KCNIP4: variants seen among roughly 807,000 people sequenced by gnomAD.
The protein encoded by KCNIP4 is potassium voltage-gated channel interacting protein 4.
KCNIP4 carries 12 observed loss-of-function variants against 34.0 expected under a neutral mutation model. The ratio of observed to expected loss-of-function variants is 0.35; its 90% CI spans 0.23 to 0.57. KCNIP4 has a LOEUF of 0.57. Ranked by LOEUF, KCNIP4 falls within the 20% of genes least tolerant of loss-of-function variation. KCNIP4 has a pLI of 0.83. For synonymous variants in KCNIP4, 124 were observed against 102.2 expected (o/e 1.21, Z -1.29); for missense variants, 238 against 311.7 (o/e 0.76, Z 1.78).
intron 1 of KCNIP4, chr4:21,608,981 C>T (rs1743938742): frequency 6.6e-6 from 1 of 152,162 alleles, no homozygotes; most frequent in Non-Finnish European, 1.5e-5. Context: ...AATGTTGCCT[C>T]ATCACTGACC....
At chr4:21,498,373 T>C (rs570502358) in intron 1 of KCNIP4, among the ~76,000 whole-genome samples, 1 of 152,236 alleles carries the variant, frequency 6.6e-6, no homozygotes, top group Non-Finnish European at 1.5e-5. Context: ...GTACACTCTT[T>C]CTGCTAGTGT....
At chr4:21,939,177 G>A (rs1730055090) in intron 1 of KCNIP4, among the ~76,000 whole-genome samples, 1 of 152,112 alleles carries the variant, frequency 6.6e-6, no homozygotes, top group Admixed American at 6.6e-5. Context: ...CCATTGTAGT[G>A]GTGGTGGACT....
chr4:21,742,115 G>T (rs528766130), intron 1 of KCNIP4, among the ~76,000 whole-genome samples: 1 of 151,966 alleles, frequency 6.6e-6, no homozygotes, highest in African/African-American at 2.4e-5. Flanking sequence ...AAAAACTCAA[G>T]TACCAAATTG....
intron 1 of KCNIP4, among the ~76,000 whole-genome samples, chr4:21,832,829 G>A (rs1723078741): frequency 6.7e-6 from 1 of 148,384 alleles, no homozygotes; most frequent in Non-Finnish European, 1.5e-5. Flanking sequence ...CTATGAGTGA[G>A]AATATGCGGT....
chr4:21,662,302 A>C (rs941536670), intron 1 of KCNIP4, among the ~76,000 whole-genome samples: 7 of 152,188 alleles, frequency 4.6e-5, no homozygotes, highest in Non-Finnish European at 1.0e-4. Context: ...CATTTCTACC[A>C]GATGTATTTT....
chr4:21,838,096 C>T (rs533197394), intron 1 of KCNIP4, among the ~76,000 whole-genome samples: 3 of 152,086 alleles, frequency 2.0e-5, no homozygotes, highest in Non-Finnish European at 4.4e-5. Context: ...ATTCACATTG[C>T]TTACACAAAA....
chr4:21,037,290 CT>C (rs1444805281), intron 1 of KCNIP4, among the ~76,000 whole-genome samples: 2 of 152,284 alleles, frequency 1.3e-5, no homozygotes, highest in Middle Eastern at 3.4e-3. Context: ...TGGGCCTAAA[CT>C]TTCACTCACC....
intron 2 of KCNIP4, among the ~76,000 whole-genome samples, chr4:20,873,702 C>T (rs1224392626): frequency 1.3e-5 from 2 of 152,152 alleles, no homozygotes; most frequent in Non-Finnish European, 2.9e-5. Context: ...ACCAGCCATC[C>T]CCAAGTGCCA....
chr4:21,520,714 GT>G lies in KCNIP4; in HGVS notation c.61+427856del, dbSNP rs141649193. 6.0e-3 allele frequency among the ~76,000 whole-genome samples: 906 copies of G among 152,182 alleles called. 13 individuals are homozygous for G. The highest frequency in any genetic ancestry group is 0.021 in the African/African-American group (867 of 41,504). ...TCTCCTTTTACCTTTAACTTGGATAGTTTATTTTTAAATGAAAAATGCTGCC... is the reference window on the plus strand; with the variant it reads ...TCTCCTTTTACCTTTAACTTGGATAGTTATTTTTAAATGAAAAATGCTGCC... On this transcript the variant is annotated intron_variant, in intron 1 of 8. Coordinates refer to ENST00000382152, the MANE Select transcript of KCNIP4 (RefSeq NM_025221.6).
intron 1 of KCNIP4, among the ~76,000 whole-genome samples, chr4:21,576,059 T>A (rs1276163981): frequency 6.6e-6 from 1 of 152,092 alleles, no homozygotes; most frequent in East Asian, 1.9e-4. Flanking sequence ...CAACTGAAAA[T>A]TTTTTTAGTT....
At chr4:21,775,474 G>A (rs1719113152) in intron 1 of KCNIP4, among the ~76,000 whole-genome samples, 2 of 152,158 alleles carry the variant, frequency 1.3e-5, no homozygotes, top group South Asian at 4.1e-4. Flanking sequence ...ACTTAAAAAA[G>A]CACTTTGTCC....
At chr4:20,953,845 T>C (rs1476138234) in intron 1 of KCNIP4, among the ~76,000 whole-genome samples, 1 of 152,142 alleles carries the variant, frequency 6.6e-6, no homozygotes, top group Non-Finnish European at 1.5e-5. Flanking sequence ...AGGAGAGTCA[T>C]TATCAAAAAT....
intron 1 of KCNIP4, among the ~76,000 whole-genome samples, chr4:21,507,669 G>A (rs542788877): frequency 7.2e-5 from 11 of 152,268 alleles, no homozygotes; most frequent in Admixed American, 7.2e-4. Context: ...TTGACTAGAG[G>A]AAAAGTTCTT....
intron 3 of KCNIP4, among the ~76,000 whole-genome samples, chr4:20,827,154 G>A (rs1317038994): frequency 2.0e-5 from 3 of 152,194 alleles, no homozygotes; most frequent in African/African-American, 7.2e-5. Context: ...TTAGAAGCCA[G>A]CTACCATGAA....
chr4:21,242,936 A>T (rs1759959731), intron 1 of KCNIP4, among the ~76,000 whole-genome samples: 1 of 151,630 alleles, frequency 6.6e-6, no homozygotes, highest in Admixed American at 6.6e-5. Context: ...TTTCCTCTGG[A>T]GAACCCTAAC....
At chr4:21,578,128 A>G (rs1275755461) in intron 1 of KCNIP4, among the ~76,000 whole-genome samples, 1 of 151,986 alleles carries the variant, frequency 6.6e-6, no homozygotes, top group Non-Finnish European at 1.5e-5. Flanking sequence ...GAAGTCAGGC[A>G]TTCAAGACCA....
At chr4:21,758,861 T>G (rs925158799) in intron 1 of KCNIP4, among the ~76,000 whole-genome samples, 28 of 152,174 alleles carry the variant, frequency 1.8e-4, no homozygotes, top group African/African-American at 6.8e-4. Context: ...ACTTGCAATG[T>G]GACCTTGGGT....
chr4:21,731,862 A>C (rs1715626495), intron 1 of KCNIP4, among the ~76,000 whole-genome samples: 1 of 152,166 alleles, frequency 6.6e-6, no homozygotes, highest in Non-Finnish European at 1.5e-5. Flanking sequence ...GGCTAAATAC[A>C]TATGGACCTC....
chr4:21,612,235 G>A (rs867193090), intron 1 of KCNIP4, among the ~76,000 whole-genome samples: 1 of 152,132 alleles, frequency 6.6e-6, no homozygotes, highest in African/African-American at 2.4e-5. Context: ...GAAATATTAT[G>A]TGCATTGAAC....
Sources: allele counts gnomAD v4.1 joint callset (sites outside exome capture counted in the v4.1 genomes callset), GRCh38; gene constraint gnomAD v4.1.1; transcripts MANE v1.5; gene names NCBI Gene and HGNC (gene_info 2026-07-23, HGNC 2026-07-21).